The following ZFHX3 variants were observed in gnomAD, a reference collection of about 807,000 sequenced individuals.
ZFHX3 encodes zinc finger homeobox protein 3.
A neutral mutation model predicts 279.1 loss-of-function variants in ZFHX3; 42 were observed. That is an observed-to-expected ratio of 0.15 (90% CI 0.12 to 0.19). The LOEUF is 0.19. ZFHX3 is among the 10% of genes least tolerant of loss of function. The probability of loss-of-function intolerance (pLI) is 1.00; values close to 1 mark genes in which losing one functional copy is unlikely to be tolerated. For missense variants in ZFHX3, 4,981 were observed against 4,754.0 expected, an observed-to-expected ratio of 1.05 and a Z score of -1.40; for synonymous variants, 2,293 against 1,957.8, an observed-to-expected ratio of 1.17 and a Z score of -4.52.
chr16:73,186,129 TCCCA>T (rs1967902598), intron 5 of ZFHX3, among the ~76,000 whole-genome samples: 1 of 151,376 alleles, frequency 6.6e-6, no homozygotes, highest in Non-Finnish European at 1.5e-5. Flanking sequence ...AGCTCAGGGC[TCCCA>T]CTGATTCTAC....
chr16:73,208,407 C>T (rs1288655298), intron 5 of ZFHX3, among the ~76,000 whole-genome samples: 6 of 151,882 alleles, frequency 4.0e-5, no homozygotes, highest in South Asian at 2.1e-4. Flanking sequence ...AATATACCAA[C>T]GTCATAGGCA....
At chr16:73,141,886 G>C (rs1325168380) in intron 6 of ZFHX3, among the ~76,000 whole-genome samples, 1 of 152,168 alleles carries the variant, frequency 6.6e-6, no homozygotes, top group Non-Finnish European at 1.5e-5. Context: ...GTCTGGAGCA[G>C]ATTTGCAACA....
chr16:73,673,791 A>C (rs147594799), intron 2 of ZFHX3, among the ~76,000 whole-genome samples: 2 of 152,252 alleles, frequency 1.3e-5, no homozygotes, highest in Admixed American at 1.3e-4. Flanking sequence ...TATGTATTCC[A>C]CCTGAATGGA....
At chr16:72,792,143 G>C (rs893391549) in intron 9 of ZFHX3, among the ~76,000 whole-genome samples, 61 of 152,276 alleles carry the variant, frequency 4.0e-4, no homozygotes, top group African/African-American at 1.3e-3. Context: ...TGTGAGGACA[G>C]AGAAGGAGAA....
intron 2 of ZFHX3, among the ~76,000 whole-genome samples, chr16:73,619,500 T>TTATATATATATATATATATATATA (rs1555528593): frequency 2.3e-5 from 3 of 131,744 alleles, no homozygotes; most frequent in African/African-American, 9.0e-5. Flanking sequence ...AAAAAAAAAA[T>TTATATATATATATATATATATATA]TATATATATA....
chr16:73,636,866 A>C (rs2052531407), intron 2 of ZFHX3, among the ~76,000 whole-genome samples: 1 of 152,158 alleles, frequency 6.6e-6, no homozygotes, highest in Non-Finnish European at 1.5e-5. Flanking sequence ...CACTACAATA[A>C]AAATCTCTAA....
At chr16:73,091,702 G>A (rs1038035705) in intron 8 of ZFHX3, among the ~76,000 whole-genome samples, 4 of 152,128 alleles carry the variant, frequency 2.6e-5, no homozygotes, top group African/African-American at 7.2e-5. Context: ...AGAGTTTGTC[G>A]AGCTGAGTCT....
intron 8 of ZFHX3, among the ~76,000 whole-genome samples, chr16:73,088,499 T>G (rs1224691256): frequency 6.6e-6 from 1 of 152,196 alleles, no homozygotes; most frequent in African/African-American, 2.4e-5. Context: ...CATGATTGCA[T>G]GAAGCCTAGA....
intron 4 of ZFHX3, among the ~76,000 whole-genome samples, chr16:73,280,602 C>A (rs1460448124): frequency 2.0e-5 from 3 of 151,856 alleles, no homozygotes; most frequent in African/African-American, 7.3e-5. Flanking sequence ...AAAAAAAAGG[C>A]AAGTGTTGGT....
At chr16:73,586,717 G>A (rs1452938412) in intron 2 of ZFHX3, among the ~76,000 whole-genome samples, 1 of 152,060 alleles carries the variant, frequency 6.6e-6, no homozygotes, top group African/African-American at 2.4e-5. Flanking sequence ...TGGCAGATGA[G>A]GCAGACAGAA....
chr16:72,972,588 G>A (rs1304991221), intron 1 of ZFHX3, among the ~76,000 whole-genome samples: 1 of 152,204 alleles, frequency 6.6e-6, no homozygotes, highest in African/African-American at 2.4e-5. Context: ...CAGAGCACAA[G>A]ACTAGCTCTC....
chr16:73,715,344 C>T (rs777004835), intron 1 of ZFHX3, among the ~76,000 whole-genome samples: 2 of 152,074 alleles, frequency 1.3e-5, no homozygotes, highest in African/African-American at 2.4e-5. Context: ...CCCAGTTGAC[C>T]GTCTCATTCA....
At chr16:73,332,659 C>T (rs1156455242) in intron 3 of ZFHX3, among the ~76,000 whole-genome samples, 4 of 152,226 alleles carry the variant, frequency 2.6e-5, no homozygotes, top group African/African-American at 9.7e-5. Context: ...GGGAAGACCA[C>T]TGGACCAGCA....
chr16:72,871,575 T>C (rs2038162044), intron 4 of ZFHX3, among the ~76,000 whole-genome samples: 3 of 151,302 alleles, frequency 2.0e-5, no homozygotes, highest in Admixed American at 1.3e-4. Context: ...CTCCTGACCT[T>C]ATGATCCGCC....
intron 5 of ZFHX3, among the ~76,000 whole-genome samples, chr16:73,198,099 G>A (rs1453597870): frequency 4.0e-5 from 6 of 151,626 alleles, no homozygotes; most frequent in Admixed American, 6.6e-5. Flanking sequence ...TGCCATGACC[G>A]GCTAATTTTT....
chr16:73,585,554 T>G (rs976296224), intron 2 of ZFHX3, among the ~76,000 whole-genome samples: 4 of 152,186 alleles, frequency 2.6e-5, no homozygotes, highest in Non-Finnish European at 5.9e-5. Flanking sequence ...GACACATGTT[T>G]ACCTATGTAA....
intron 5 of ZFHX3, among the ~76,000 whole-genome samples, chr16:73,244,439 G>A (rs1282233995): frequency 6.6e-6 from 1 of 152,178 alleles, no homozygotes; most frequent in Non-Finnish European, 1.5e-5. Flanking sequence ...TTCACACAAA[G>A]CCTCTTCGAG....
chr16:73,672,510 A>C (rs1484582808), intron 2 of ZFHX3, among the ~76,000 whole-genome samples: 1 of 152,188 alleles, frequency 6.6e-6, no homozygotes, highest in Non-Finnish European at 1.5e-5. Context: ...TATATTGGCC[A>C]AGTTGTACCT....
chr16:73,324,533 A>G (rs1186666359), intron 3 of ZFHX3, among the ~76,000 whole-genome samples: 3 of 152,316 alleles, frequency 2.0e-5, no homozygotes, highest in East Asian at 1.9e-4. Flanking sequence ...AAGTGGCCCT[A>G]TGAGCTTTCT....
Sources: gnomAD v4.1 joint callset for allele counts (sites outside exome capture counted in the v4.1 genomes callset) on GRCh38, gnomAD v4.1.1 for gene constraint, MANE v1.5 for transcripts, NCBI Gene and HGNC (gene_info 2026-07-23, HGNC 2026-07-21) for gene names.